The following CPLX1 variants were observed in gnomAD, a reference collection of about 807,000 sequenced individuals.
CPLX1 encodes the protein complexin-1.
Under a neutral mutation model 15.6 loss-of-function variants are expected in CPLX1, and 6 were observed. The observed-to-expected ratio is 0.39, with a 90% CI of 0.21 to 0.76. The LOEUF (loss-of-function observed/expected upper bound fraction) is 0.76. CPLX1 is among the 30% of genes least tolerant of loss of function. The pLI is 0.43. For synonymous variants in CPLX1, 91 were observed against 75.2 expected (o/e 1.21, Z -1.08); for missense variants, 242 against 188.6 (o/e 1.28, Z -1.66).
chr4:794,455 G>GC (rs1343819451), intron 2 of CPLX1, among the ~76,000 whole-genome samples: 3 of 152,208 alleles, frequency 2.0e-5, no homozygotes, highest in Non-Finnish European at 2.9e-5. Flanking sequence ...GTTTTCAGCC[G>GC]CATCTGCCAT....
chr4:818,712 G>C (rs1312396195), intron 2 of CPLX1, among the ~76,000 whole-genome samples: 1 of 152,270 alleles, frequency 6.6e-6, no homozygotes, highest in African/African-American at 2.4e-5. Context: ...ATCTGCCGCC[G>C]AGCTTGGCAC....
intron 3 of CPLX1, chr4:788,194 G>A (rs1560235183): frequency 3.0e-6 from 3 of 985,250 alleles, no homozygotes; most frequent in East Asian, 1.1e-4. Context: ...AGTTGGTTCT[G>A]CTCCTGGTGC....
At chr4:797,659 C>T (rs894370513) in intron 2 of CPLX1, among the ~76,000 whole-genome samples, 7 of 145,812 alleles carry the variant, frequency 4.8e-5, no homozygotes, top group Non-Finnish European at 7.5e-5. Flanking sequence ...GTAGGCCGGG[C>T]GCGGTGGCTC....
chr4:795,540 G>A (rs1468307150), intron 2 of CPLX1, among the ~76,000 whole-genome samples: 6 of 152,198 alleles, frequency 3.9e-5, no homozygotes, highest in Non-Finnish European at 7.4e-5. Context: ...GAGGCTGGGG[G>A]TCCCGCAGTC....
rs1177421862 is a variant in CPLX1, at chr4:786,412, G to C, written c.*89C>G. The C allele has an allele frequency of 1.4e-6, 2 of 1,396,124 alleles. No individual in the cohort carries two copies. The highest frequency in any genetic ancestry group is 3.0e-5 in the African/African-American group (2 of 67,680). 86.5% of individuals were successfully genotyped at this position (1,396,124 alleles called of 1,614,324 possible). A position where few individuals can be genotyped will look rare whatever the true frequency, so the allele number is the denominator to read the frequency against. ...GGCTATGGCTTATATCGGCGTGGGGGCTGCGCTCTGCTCGTCCCTCAGGGG... is the reference window on the plus strand; with the variant it reads ...GGCTATGGCTTATATCGGCGTGGGGCCTGCGCTCTGCTCGTCCCTCAGGGG... On this transcript the variant is annotated 3_prime_UTR_variant, in exon 4 of 4. Transcript: ENST00000304062.
intron 2 of CPLX1, among the ~76,000 whole-genome samples, chr4:811,090 C>G (rs1262634557): frequency 6.6e-6 from 1 of 152,146 alleles, no homozygotes; most frequent in East Asian, 1.9e-4. Flanking sequence ...GCCTTGAACT[C>G]TTGGGCTTAA....
intron 2 of CPLX1, among the ~76,000 whole-genome samples, chr4:805,135 G>A (rs189015380): frequency 6.6e-6 from 1 of 152,388 alleles, no homozygotes; most frequent in East Asian, 1.9e-4. Context: ...GGGGCCTGGA[G>A]CGGGAGGGAG....
At chr4:823,224 C>T (rs916403032) in intron 2 of CPLX1, among the ~76,000 whole-genome samples, 57 of 152,276 alleles carry the variant, frequency 3.7e-4, no homozygotes, top group Non-Finnish European at 6.8e-4. Context: ...AATCACAGCC[C>T]GGTGACGCAG....
intron 2 of CPLX1, among the ~76,000 whole-genome samples, chr4:794,687 G>A (rs1420834010): frequency 6.6e-6 from 1 of 152,226 alleles, no homozygotes; most frequent in Non-Finnish European, 1.5e-5. Context: ...TCACCCTAAA[G>A]TGAGTGACCC....
chr4:822,251 C>T (rs898285059), intron 2 of CPLX1, among the ~76,000 whole-genome samples: 1 of 150,430 alleles, frequency 6.6e-6, no homozygotes, highest in Non-Finnish European at 1.5e-5. Context: ...CTTCTGCCTC[C>T]ACCTCTCCCT....
chr4:818,667 G>T (rs1746805981), intron 2 of CPLX1, among the ~76,000 whole-genome samples: 1 of 152,280 alleles, frequency 6.6e-6, no homozygotes, highest in Non-Finnish European at 1.5e-5. Flanking sequence ...TGAGGGCCAA[G>T]GATTACAACT....
intron 2 of CPLX1, among the ~76,000 whole-genome samples, chr4:814,706 C>T (rs1048857479): frequency 5.3e-5 from 8 of 152,200 alleles, no homozygotes; most frequent in African/African-American, 1.4e-4. Flanking sequence ...CCCAGGAGTC[C>T]GGGAGGAACA....
At position 821,903 on chromosome 4, in the gene CPLX1, C is replaced by T. The variant is rs1326845021; in HGVS notation, c.31+2589G>A. The stretch of plus-strand genomic sequence containing the variant: ...GGCCCAGCCTGCCGCGGACAGCCCC[C>T]GAATGGTCTTGATTTAACCAGGCCT... On this transcript the variant is annotated intron_variant, in intron 2 of 3. Coordinates refer to ENST00000304062, the MANE Select transcript of CPLX1 (RefSeq NM_006651.4). Among the ~76,000 whole-genome samples the T allele has an allele frequency of 2.6e-5, 4 of 152,172 alleles. No individual in the cohort carries two copies. In the East Asian group the frequency reaches 5.8e-4, roughly 22 times the overall value.
chr4:809,510 C>T (rs965656289), intron 2 of CPLX1, among the ~76,000 whole-genome samples: 7 of 151,832 alleles, frequency 4.6e-5, no homozygotes, highest in African/African-American at 9.7e-5. Flanking sequence ...GCCTTGAACA[C>T]GGACACATGG....
intron 2 of CPLX1, among the ~76,000 whole-genome samples, chr4:799,332 A>G (rs965286220): frequency 2.6e-5 from 4 of 152,208 alleles, no homozygotes; most frequent in Non-Finnish European, 5.9e-5. Flanking sequence ...CACCATGCCT[A>G]TCCGATGGAG....
chr4:788,490 G>A (rs962635044), intron 3 of CPLX1: 12 of 985,338 alleles, frequency 1.2e-5, no homozygotes, highest in South Asian at 4.7e-5. Context: ...TGACAGAGCC[G>A]GGACTCCAGG....
In CPLX1 at chr4:785,399, A is replaced by G. The variant is rs1227429665; in HGVS notation, c.*1102T>C. On this transcript the variant is annotated 3_prime_UTR_variant, in exon 4 of 4. Transcript: ENST00000304062. ...ATGCCAAGCCACGCCCTGGCCCGAA[A>G]CACGTGGAGACTTGATGCATTTTTG... 1 of 152,534 alleles carries G rather than the reference A, an allele frequency of 6.6e-6. No homozygotes were observed. Among genetic ancestry groups the G allele is most frequent in the Non-Finnish European group, 1.5e-5 (1 of 68,042 alleles). 9.4% of individuals were successfully genotyped at this position (152,534 alleles called of 1,614,324 possible). A position where few individuals can be genotyped will look rare whatever the true frequency, so the allele number is the denominator to read the frequency against.
intron 2 of CPLX1, among the ~76,000 whole-genome samples, chr4:801,876 T>C (rs1746467013): frequency 6.6e-6 from 1 of 152,218 alleles, no homozygotes; most frequent in African/African-American, 2.4e-5. Flanking sequence ...CCTACTCAAA[T>C]GTCTGAAATT....
At position 822,425 on chromosome 4, in the gene CPLX1, C is replaced by T. The variant is rs188536559; in HGVS notation, c.31+2067G>A. Among the ~76,000 whole-genome samples the T allele has an allele frequency of 1.1e-3, 168 of 152,040 alleles. 1 individual carries two copies. The highest frequency in any genetic ancestry group is 3.7e-3 in the African/African-American group (152 of 41,448). On this transcript the variant is annotated intron_variant, in intron 2 of 3. Transcript: ENST00000304062. ...TCCGTCTCTCCCTCTTTCTCTCTCT[C>T]CCCTCTGCCTCTGTCTCTGACGTGC...
Sources: allele counts gnomAD v4.1 joint callset (sites outside exome capture counted in the v4.1 genomes callset), GRCh38; gene constraint gnomAD v4.1.1; transcripts MANE v1.5; gene names NCBI Gene and HGNC (gene_info 2026-07-23, HGNC 2026-07-21).